Variants in BCL7C observed in about 807,000 individuals in gnomAD.
BCL7C encodes the protein BAF chromatin remodeling complex subunit BCL7C.
A neutral mutation model predicts 26.2 loss-of-function variants in BCL7C; 8 were observed. That is an observed-to-expected ratio of 0.30 (90% CI 0.18 to 0.55). BCL7C has a LOEUF of 0.55. Ranked by LOEUF, BCL7C falls within the 20% of genes least tolerant of loss-of-function variation. BCL7C has a pLI of 0.93. For missense variants in BCL7C, 262 were observed against 298.5 expected, an observed-to-expected ratio of 0.88 and a Z score of 0.90; for synonymous variants, 90 against 116.5, an observed-to-expected ratio of 0.77 and a Z score of 1.47.
At chr16:30,835,979 G>A (rs1323117069) in intron 5 of BCL7C, among the ~76,000 whole-genome samples, 4 of 147,492 alleles carry the variant, frequency 2.7e-5, no homozygotes, top group Non-Finnish European at 4.5e-5. Context: ...GGGGCCAGGC[G>A]TGGTGGCTCA....
chr16:30,855,578 TCAATGAAGCAGATCCTTTAATA>T (rs2054713563), intron 5 of BCL7C, among the ~76,000 whole-genome samples: 1 of 152,108 alleles, frequency 6.6e-6, no homozygotes, highest in Non-Finnish European at 1.5e-5. Context: ...CTCATTGCCT[TCAATGAAGCAGATCCTTTAATA>T]GCTTCTGTCA....
chr16:30,852,993 T>C (rs2054689662), intron 5 of BCL7C, among the ~76,000 whole-genome samples: 2 of 152,016 alleles, frequency 1.3e-5, no homozygotes, highest in African/African-American at 4.8e-5. Context: ...GGAGTGCAAA[T>C]GGCATGATCA....
intron 5 of BCL7C, among the ~76,000 whole-genome samples, chr16:30,861,092 T>C (rs941260549): frequency 3.3e-5 from 5 of 152,132 alleles, no homozygotes; most frequent in Non-Finnish European, 5.9e-5. Flanking sequence ...TCAGTTAGCG[T>C]TTAGGCTCTT....
chr16:30,884,843 C>G (rs1302031172), downstream of BCL7C, among the ~76,000 whole-genome samples: 1 of 152,152 alleles, frequency 6.6e-6, no homozygotes, highest in East Asian at 1.9e-4. Context: ...CAGAAAGGTT[C>G]AGTCACTTGC....
At chr16:30,882,530 G>C (rs1157037741) in intron 5 of BCL7C, among the ~76,000 whole-genome samples, 1 of 152,204 alleles carries the variant, frequency 6.6e-6, no homozygotes, top group East Asian at 1.9e-4. Flanking sequence ...GCGAAGAGGG[G>C]AAGGGAGGGG....
In BCL7C at chr16:30,891,757, G is replaced by A. The variant is rs535650132; in HGVS notation, c.442+829C>T. Among the ~76,000 whole-genome samples, 4 of 152,184 alleles carry A rather than the reference G, an allele frequency of 2.6e-5. No individual in the cohort carries two copies. In the South Asian group the frequency reaches 6.2e-4, roughly 24 times the overall value. ...AGACAGGAGGATCATTTCAGGCCAC[G>A]AGTTCAAAACCAACCTTGGCAACAT... On this transcript the variant is annotated intron_variant, in intron 4 of 5. Transcript: ENST00000215115.
chr16:30,866,024 C>T (rs1156570133), intron 5 of BCL7C, among the ~76,000 whole-genome samples: 2 of 151,752 alleles, frequency 1.3e-5, no homozygotes, highest in East Asian at 3.9e-4. Context: ...CGTGAGCCAC[C>T]TCGCCCGGCC....
chr16:30,878,402 G>A (rs1187699354), intron 5 of BCL7C, among the ~76,000 whole-genome samples: 2 of 145,416 alleles, frequency 1.4e-5, no homozygotes, highest in Admixed American at 1.4e-4. Flanking sequence ...AGCTGGGTGT[G>A]GTGGCACGCG....
At chr16:30,873,388 T>C (rs1047907035) in intron 5 of BCL7C, among the ~76,000 whole-genome samples, 1 of 152,200 alleles carries the variant, frequency 6.6e-6, no homozygotes, top group Non-Finnish European at 1.5e-5. Flanking sequence ...TGGGAGTTAC[T>C]GTTAATGGGT....
chr16:30,837,321 C>G (rs2054576132), intron 5 of BCL7C, among the ~76,000 whole-genome samples: 1 of 151,990 alleles, frequency 6.6e-6, no homozygotes, highest in Admixed American at 6.6e-5. Flanking sequence ...AGGATATTTT[C>G]AAGGATATTG....
intron 5 of BCL7C, chr16:30,851,620 C>T (rs2054675583): frequency 7.6e-6 from 4 of 524,166 alleles, no homozygotes; most frequent in Non-Finnish European, 1.4e-5. Flanking sequence ...AGCAGTGCCA[C>T]AGCAGGCCTT....
At chr16:30,883,017 C>A (rs944370089), downstream of BCL7C, among the ~76,000 whole-genome samples, 5 of 152,014 alleles carry the variant, frequency 3.3e-5, no homozygotes, top group African/African-American at 9.7e-5. Context: ...CCATTTGGCT[C>A]CTGGAGTCTG....
At chr16:30,847,382 C>G (rs150305620) in intron 5 of BCL7C, among the ~76,000 whole-genome samples, 1 of 152,316 alleles carries the variant, frequency 6.6e-6, no homozygotes, top group Non-Finnish European at 1.5e-5. Flanking sequence ...TGAAGAGACT[C>G]ACTTTCCTGT....
intron 5 of BCL7C, among the ~76,000 whole-genome samples, chr16:30,864,602 T>G (rs1298883088): frequency 6.6e-6 from 1 of 152,004 alleles, no homozygotes; most frequent in East Asian, 1.9e-4. Context: ...CCCCAAAAAT[T>G]TTCACCGCCC....
chr16:30,836,157 G>A (rs1345366057), intron 5 of BCL7C, among the ~76,000 whole-genome samples: 1 of 152,096 alleles, frequency 6.6e-6, no homozygotes, highest in Non-Finnish European at 1.5e-5. Flanking sequence ...GGGATGCTGA[G>A]GCACGAGAAT....
At chr16:30,864,134 T>C (rs2054801379) in intron 5 of BCL7C, among the ~76,000 whole-genome samples, 1 of 152,162 alleles carries the variant, frequency 6.6e-6, no homozygotes, top group African/African-American at 2.4e-5. Flanking sequence ...GAGGCCCTGA[T>C]TTACTCACTG....
chr16:30,861,744 C>G (rs936354713), intron 5 of BCL7C, among the ~76,000 whole-genome samples: 3 of 152,072 alleles, frequency 2.0e-5, no homozygotes, highest in African/African-American at 7.2e-5. Flanking sequence ...AGGCTACCCA[C>G]TCCACATTAC....
rs2055306637 is a variant in BCL7C at position 30,894,032 on chromosome 16, C to T, written c.-88G>A. On this transcript the variant is annotated 5_prime_UTR_variant, in exon 1 of 6. Coordinates refer to ENST00000215115, the MANE Select transcript of BCL7C (RefSeq NM_004765.4). The stretch of plus-strand genomic sequence containing the variant: ...GGCTCCGCGCCAGGCCCGGGCGCCG[C>T]GCTCTCGGCCTGCCGTCCCCCCTGG... The T allele has an allele frequency of 4.3e-6, 2 of 464,096 alleles. No individual in the cohort carries two copies. The highest frequency in any genetic ancestry group is 5.9e-6 in the Non-Finnish European group (2 of 340,642). 28.7% of individuals were successfully genotyped at this position (464,096 alleles called of 1,614,324 possible).
chr16:30,864,944 G>A (rs914290538), intron 5 of BCL7C, among the ~76,000 whole-genome samples: 18 of 150,558 alleles, frequency 1.2e-4, no homozygotes, highest in Non-Finnish European at 2.5e-4. Flanking sequence ...CGAGGTTGGC[G>A]GATCACAAGG....
Sources: allele counts gnomAD v4.1 joint callset (sites outside exome capture counted in the v4.1 genomes callset), GRCh38; gene constraint gnomAD v4.1.1; transcripts MANE v1.5; gene names NCBI Gene and HGNC (gene_info 2026-07-23, HGNC 2026-07-21).